Variants in KDM5B observed in about 807,000 individuals in gnomAD.
KDM5B encodes the protein lysine demethylase 5B.
Under a neutral mutation model 193.4 loss-of-function variants are expected in KDM5B, and 144 were observed. That is an observed-to-expected ratio of 0.74 (90% CI 0.65 to 0.86). The LOEUF is 0.86. Ranked by LOEUF, KDM5B falls within the 40% of genes least tolerant of loss-of-function variation. The pLI is 0.00. For missense variants in KDM5B, 1,833 were observed against 1,886.9 expected (o/e 0.97, Z 0.53); for synonymous variants, 668 against 682.6 (o/e 0.98, Z 0.33).
At chr1:202,774,275 C>CG (rs1415851487) in intron 3 of KDM5B, among the ~76,000 whole-genome samples, 2 of 152,130 alleles carry the variant, frequency 1.3e-5, no homozygotes, top group Non-Finnish European at 2.9e-5. Context: ...GACAGGGTCT[C>CG]GCTCAGTTAC....
intron 1 of KDM5B, among the ~76,000 whole-genome samples, chr1:202,789,903 G>A (rs1657574333): frequency 6.6e-6 from 1 of 152,058 alleles, no homozygotes; most frequent in African/African-American, 2.4e-5. Context: ...ATTCCAGCCT[G>A]GGAAACACAA....
intron 1 of KDM5B, among the ~76,000 whole-genome samples, chr1:202,782,463 G>GT (rs1485747157): frequency 6.6e-6 from 1 of 152,030 alleles, no homozygotes; most frequent in Non-Finnish European, 1.5e-5. Context: ...GCCTCCCAAA[G>GT]TGCCAGGATT....
intron 13 of KDM5B, among the ~76,000 whole-genome samples, chr1:202,750,410 T>C (rs1324638864): frequency 3.9e-5 from 6 of 152,036 alleles, no homozygotes; most frequent in African/African-American, 7.2e-5. Context: ...TCCCAAGTAA[T>C]TGGGATTACA....
chr1:202,753,604 T>C (rs1655883661), intron 11 of KDM5B, among the ~76,000 whole-genome samples: 1 of 151,786 alleles, frequency 6.6e-6, no homozygotes, highest in East Asian at 1.9e-4. Context: ...CTCCCCACTC[T>C]CATTTTTATC....
intron 1 of KDM5B, among the ~76,000 whole-genome samples, chr1:202,801,884 G>A (rs1038429024): frequency 1.1e-4 from 16 of 151,926 alleles, no homozygotes; most frequent in African/African-American, 3.9e-4. Flanking sequence ...ACCCCAAAGA[G>A]ACTTGTCGGT....
At chr1:202,779,190 C>T (rs1657090190) in intron 1 of KDM5B, among the ~76,000 whole-genome samples, 1 of 151,996 alleles carries the variant, frequency 6.6e-6, no homozygotes, top group Non-Finnish European at 1.5e-5. Flanking sequence ...AATTCACAGC[C>T]TTTAAACTCA....
At chr1:202,746,991 C>A (rs1386301390) in intron 14 of KDM5B, among the ~76,000 whole-genome samples, 5 of 152,126 alleles carry the variant, frequency 3.3e-5, no homozygotes, top group African/African-American at 1.2e-4. Context: ...TCTAGAGAAC[C>A]CTTCTTGGAT....
intron 1 of KDM5B, among the ~76,000 whole-genome samples, chr1:202,788,204 C>T (rs1657489896): frequency 6.6e-6 from 1 of 152,188 alleles, no homozygotes; most frequent in Non-Finnish European, 1.5e-5. Flanking sequence ...TGGGTCAACC[C>T]AGTCTTCCCT....
chr1:202,759,858 T>C (rs774217255), intron 8 of KDM5B, among the ~76,000 whole-genome samples: 2 of 152,222 alleles, frequency 1.3e-5, no homozygotes, highest in Non-Finnish European at 2.9e-5. Context: ...GTGATGCTTT[T>C]TATAAGAATT....
rs1397413851 is a variant in KDM5B at position 202,749,106 on chromosome 1, G to C, written c.1855C>G (p.Arg619Gly). ...PLGRQCVEHY[R>G]LLHRYCVFSH... ...AACACACAATATCGATGAAGCAAGC[G>C]ATAATGCTCCACACACTGTCGGCCT... The change falls in exon 14 of 27, where the codon CGC becomes GGC. Residue 619 changes from arginine to glycine, a missense_variant. Arg to Gly is a moderately radical substitution (Grantham distance 125). Transcript: ENST00000367265. The C allele has an allele frequency of 1.9e-6, 3 of 1,613,752 alleles. No homozygotes were observed. The highest frequency in any genetic ancestry group is 2.5e-6 in the Non-Finnish European group (3 of 1,179,894).
At chr1:202,801,455 C>T (rs1172757493) in intron 1 of KDM5B, among the ~76,000 whole-genome samples, 1 of 152,170 alleles carries the variant, frequency 6.6e-6, no homozygotes, top group Non-Finnish European at 1.5e-5. Context: ...AAACATCCTA[C>T]AATTATGGAA....
At position 202,726,987 on chromosome 1, in the gene KDM5B, A is replaced by T. The variant is rs1654695451; in HGVS notation, c.*2049T>A. 1 of 152,182 alleles carries T rather than the reference A, an allele frequency of 6.6e-6. No individual in the cohort carries two copies. Among genetic ancestry groups the T allele is most frequent in the Non-Finnish European group, 1.5e-5 (1 of 68,036 alleles). The allele number at this position is 152,182 out of a possible 1,614,324, so 9.4% of individuals were successfully genotyped here. ...CAGGGAGGGAGTGGTTCAAATACAC[A>T]CATGCCTACCTTTTCTAACTCACTC... On this transcript the variant is annotated 3_prime_UTR_variant, in exon 27 of 27. Transcript: ENST00000367265.
At chr1:202,784,784 A>G (rs1657338798) in intron 1 of KDM5B, among the ~76,000 whole-genome samples, 1 of 152,242 alleles carries the variant, frequency 6.6e-6, no homozygotes, top group Non-Finnish European at 1.5e-5. Context: ...TCATGCCAGT[A>G]ATCCCAGCAC....
intron 8 of KDM5B, among the ~76,000 whole-genome samples, chr1:202,759,525 T>A (rs1405067870): frequency 7.0e-6 from 1 of 143,130 alleles, no homozygotes; most frequent in African/African-American, 2.6e-5. Context: ...TACTCCAGCC[T>A]GGGTGATAGA....
Position 202,730,906 on chromosome 1 carries a change from C to A in KDM5B, c.4176+3G>T. 1 of 1,590,680 alleles carries A rather than the reference C, an allele frequency of 6.3e-7. No homozygotes were observed. The highest frequency in any genetic ancestry group is 8.6e-7 in the Non-Finnish European group (1 of 1,165,862). On this transcript the variant is annotated splice_donor_region_variant and intron_variant, in intron 25 of 26. Coordinates refer to ENST00000367265, the MANE Select transcript of KDM5B (RefSeq NM_006618.5). The stretch of plus-strand genomic sequence containing the variant: ...TTGCCCCAGAAGCCTCTCAGACACT[C>A]ACCTTCTCACTGCTGGGTCTCACTG...
intron 6 of KDM5B, among the ~76,000 whole-genome samples, 165 bp downstream of exon 6, chr1:202,763,884 T>C (rs746251173): frequency 2.6e-5 from 4 of 152,262 alleles, no homozygotes; most frequent in African/African-American, 7.2e-5. Flanking sequence ...ACTGTTGATA[T>C]ATTAAGATTT....
Position 202,746,051 on chromosome 1 carries a change from T to A in KDM5B, c.2199-69A>T, listed in dbSNP as rs934047503. On this transcript the variant is annotated intron_variant, in intron 15 of 26. Coordinates refer to ENST00000367265, the MANE Select transcript of KDM5B (RefSeq NM_006618.5). ...TGGAGAAAACTAGATGTTTTATACT[T>A]AACATTTCAGCCCTAGAACTGCGGT... 2.6e-5 allele frequency: 41 copies of A among 1,595,874 alleles called. No individual in the cohort carries two copies. In the East Asian group the frequency reaches 9.2e-4, roughly 36 times the overall value.
At position 202,808,093 on chromosome 1, in the gene KDM5B, G is replaced by A. The variant is rs752729901; in HGVS notation, c.204+9C>T. The A allele has an allele frequency of 1.6e-5, 25 of 1,609,686 alleles. No individual in the cohort carries two copies. The highest frequency in any genetic ancestry group is 2.0e-5 in the Non-Finnish European group (24 of 1,178,434). On this transcript the variant is annotated intron_variant, in intron 1 of 26. Transcript: ENST00000367265. Reference sequence around the variant, plus strand: ...CACGAGCTGGATCCGGGGTGCTGGCGTGACTCACCGGCGGCGGCCGCACCT... The same window carrying A: ...CACGAGCTGGATCCGGGGTGCTGGCATGACTCACCGGCGGCGGCCGCACCT...
intron 13 of KDM5B, among the ~76,000 whole-genome samples, chr1:202,749,955 T>C (rs527383836): frequency 3.9e-5 from 6 of 152,222 alleles, no homozygotes; most frequent in Non-Finnish European, 5.9e-5. Flanking sequence ...AATTAAACTT[T>C]ACAACTAATG....
Sources: allele counts gnomAD v4.1 joint callset (sites outside exome capture counted in the v4.1 genomes callset), GRCh38; gene constraint gnomAD v4.1.1; transcripts MANE v1.5; gene names NCBI Gene and HGNC (gene_info 2026-07-23, HGNC 2026-07-21).